Variants in DLGAP2 observed in about 807,000 individuals in gnomAD.
DLGAP2 encodes DLG associated protein 2.
DLGAP2 carries 26 observed loss-of-function variants against 100.3 expected under a neutral mutation model. The ratio of observed to expected loss-of-function variants is 0.26; its 90% confidence interval spans 0.19 to 0.36. The LOEUF (loss-of-function observed/expected upper bound fraction) is 0.36, where lower values mean the gene tolerates loss of function less well. Ranked by LOEUF, DLGAP2 falls within the 10% of genes least tolerant of loss-of-function variation. DLGAP2 has a pLI of 1.00. For synonymous variants in DLGAP2, 886 were observed against 630.1 expected (o/e 1.41, Z -6.08); for missense variants, 1,858 against 1,453.2 (o/e 1.28, Z -4.53).
At chr8:1,447,756 A>G (rs923739689) in intron 3 of DLGAP2, among the ~76,000 whole-genome samples, 12 of 152,206 alleles carry the variant, frequency 7.9e-5, no homozygotes, top group African/African-American at 2.9e-4. Context: ...TATTGCCACA[A>G]TTTCAGAGCC....
intron 3 of DLGAP2, among the ~76,000 whole-genome samples, chr8:1,345,568 C>T (rs888992140): frequency 2.0e-5 from 3 of 152,320 alleles, no homozygotes; most frequent in African/African-American, 7.2e-5. Flanking sequence ...CTTAAGAAAA[C>T]ACATTGTGTG....
chr8:1,347,697 A>G (rs987432798), intron 3 of DLGAP2, among the ~76,000 whole-genome samples: 2 of 150,192 alleles, frequency 1.3e-5, no homozygotes, highest in African/African-American at 4.9e-5. Flanking sequence ...CTGGAGGCTG[A>G]GTTCCTATAC....
chr8:1,293,696 G>A (rs969195925), intron 3 of DLGAP2, among the ~76,000 whole-genome samples: 1 of 152,258 alleles, frequency 6.6e-6, no homozygotes, highest in Non-Finnish European at 1.5e-5. Context: ...ACAGTGCCCA[G>A]CCTGAGCCCT....
At chr8:1,665,763 C>T (rs770007760) in intron 8 of DLGAP2, among the ~76,000 whole-genome samples, 6 of 152,234 alleles carry the variant, frequency 3.9e-5, no homozygotes, top group Non-Finnish European at 8.8e-5. Context: ...CGGCCAGAGC[C>T]GTAGAATCTG....
intron 3 of DLGAP2, among the ~76,000 whole-genome samples, chr8:1,372,950 G>A (rs1471831055): frequency 6.6e-6 from 1 of 152,202 alleles, no homozygotes; most frequent in Non-Finnish European, 1.5e-5. Flanking sequence ...ATGTGTCAGT[G>A]AAGGGATGTG....
In DLGAP2 at chr8:1,460,511, G is replaced by A. The variant is rs574356222; in HGVS notation, c.107-40855G>A. Among the ~76,000 whole-genome samples the A allele has an allele frequency of 4.1e-4, 62 of 152,262 alleles. No individual in the cohort carries two copies. In the East Asian group the frequency reaches 5.6e-3, roughly 14 times the overall value. The stretch of plus-strand genomic sequence containing the variant: ...GACGCCTCTCCTTCCCCTCTGTCAC[G>A]GCTGCCTTCCTGGAGCCACAGTGGA... On this transcript the variant is annotated intron_variant, in intron 3 of 14. Coordinates refer to ENST00000637795, the MANE Select transcript of DLGAP2 (RefSeq NM_001346810.2).
chr8:1,254,290 C>G (rs1799120807), intron 2 of DLGAP2, among the ~76,000 whole-genome samples: 2 of 152,218 alleles, frequency 1.3e-5, no homozygotes, highest in Admixed American at 1.3e-4. Context: ...CGCTCTGTCC[C>G]CATCATGTGA....
chr8:1,666,979 A>G (rs376187415), intron 8 of DLGAP2, among the ~76,000 whole-genome samples: 7 of 152,156 alleles, frequency 4.6e-5, no homozygotes, highest in African/African-American at 1.7e-4. Flanking sequence ...GTCTGTCCTC[A>G]CAGACGGCGC....
chr8:1,333,560 CGG>C (rs1801206115), intron 3 of DLGAP2, among the ~76,000 whole-genome samples: 2 of 152,120 alleles, frequency 1.3e-5, no homozygotes, highest in Non-Finnish European at 2.9e-5. Flanking sequence ...TTTGTTCATC[CGG>C]ACACCTCCAT....
At chr8:758,998 C>CG (rs1820991358) in intron 1 of DLGAP2, among the ~76,000 whole-genome samples, 2 of 147,906 alleles carry the variant, frequency 1.4e-5, no homozygotes, top group African/African-American at 5.3e-5. Context: ...TCAATACCCC[C>CG]AACAGCCTTC....
intron 3 of DLGAP2, among the ~76,000 whole-genome samples, chr8:1,489,967 C>G (rs189235082): frequency 6.6e-6 from 1 of 152,148 alleles, no homozygotes; most frequent in Non-Finnish European, 1.5e-5. Flanking sequence ...TCTTGGCTCA[C>G]TGCAACCTCC....
At chr8:1,106,726 G>A (rs1050942805) in intron 2 of DLGAP2, among the ~76,000 whole-genome samples, 1 of 148,898 alleles carries the variant, frequency 6.7e-6, no homozygotes, top group Admixed American at 6.7e-5. Context: ...CTATTGAAGA[G>A]AGCCATTCTA....
At chr8:740,135 A>G (rs1202062627) in intron 1 of DLGAP2, 1 of 152,188 alleles carries the variant, frequency 6.6e-6, no homozygotes, top group African/African-American at 2.4e-5. Flanking sequence ...TGTATATTAT[A>G]ATTTCAGGTT....
chr8:1,707,800 T>C lies in DLGAP2; in HGVS notation c.*6394T>C, dbSNP rs1463035996. On this transcript the variant is annotated 3_prime_UTR_variant, in exon 15 of 15. Coordinates refer to ENST00000637795, the MANE Select transcript of DLGAP2 (RefSeq NM_001346810.2). ...ATATAAATATATATATAAATATAAA[T>C]ATGAAATCATATCGAGTGTGAGGAT... 6.6e-6 allele frequency: 1 copy of C among 152,494 alleles called. No homozygotes were observed. Among genetic ancestry groups the C allele is most frequent in the Admixed American group, 6.5e-5 (1 of 15,270 alleles). The allele number at this position is 152,494 out of a possible 1,614,324, so 9.4% of individuals were successfully genotyped here.
At chr8:1,088,710 T>A (rs970686334) in intron 2 of DLGAP2, among the ~76,000 whole-genome samples, 3 of 124,610 alleles carry the variant, frequency 2.4e-5, no homozygotes, top group African/African-American at 9.6e-5. Context: ...TCTCCACCCC[T>A]CATCCAGCAG....
intron 1 of DLGAP2, among the ~76,000 whole-genome samples, chr8:893,544 C>T (rs867935184): frequency 3.3e-5 from 5 of 152,316 alleles, no homozygotes; most frequent in South Asian, 2.1e-4. Flanking sequence ...GAGCCCAGTC[C>T]TGCGGTCTTG....
chr8:1,377,369 C>T (rs1795978493), intron 3 of DLGAP2, among the ~76,000 whole-genome samples: 1 of 152,136 alleles, frequency 6.6e-6, no homozygotes, highest in Admixed American at 6.6e-5. Flanking sequence ...ATGGTGAAAC[C>T]CCGTCTCTAC....
At chr8:1,203,088 G>T (rs1238243154) in intron 2 of DLGAP2, among the ~76,000 whole-genome samples, 1 of 151,934 alleles carries the variant, frequency 6.6e-6, no homozygotes, top group Non-Finnish European at 1.5e-5. Context: ...TGGGCTGCTT[G>T]GGTGTTTCTC....
chr8:1,389,109 C>T (rs1413594311), intron 3 of DLGAP2, among the ~76,000 whole-genome samples: 1 of 152,102 alleles, frequency 6.6e-6, no homozygotes, highest in Non-Finnish European at 1.5e-5. Flanking sequence ...GCTGTGAGAG[C>T]AGAGGCTGCA....
Sources: allele counts gnomAD v4.1 joint callset (sites outside exome capture counted in the v4.1 genomes callset), GRCh38; gene constraint gnomAD v4.1.1; transcripts MANE v1.5; gene names NCBI Gene and HGNC (gene_info 2026-07-23, HGNC 2026-07-21).